FAM204A: variants seen among roughly 807,000 people sequenced by gnomAD.
FAM204A encodes protein FAM204A.
FAM204A carries 16 observed loss-of-function variants against 35.4 expected under a neutral mutation model. The observed-to-expected ratio is 0.45, with a 90% confidence interval of 0.31 to 0.69. The LOEUF is 0.69. Among genes scored for constraint, FAM204A ranks in the 30% least tolerant of loss-of-function variants. The pLI, the probability that FAM204A is intolerant of heterozygous loss-of-function variation, is 0.07. For missense variants in FAM204A, 240 were observed against 265.7 expected (o/e 0.90, Z 0.67); for synonymous variants, 76 against 86.9 (o/e 0.88, Z 0.70).
At chr10:118,338,518 T>A (rs1846422694) in intron 2 of FAM204A, among the ~76,000 whole-genome samples, 1 of 152,212 alleles carries the variant, frequency 6.6e-6, no homozygotes, top group African/African-American at 2.4e-5. Context: ...GAAATAACTC[T>A]TTCCCTTCCT....
intron 3 of FAM204A, 126 bp downstream of exon 3, chr10:118,336,056 C>T: frequency 9.2e-7 from 1 of 1,092,370 alleles, no homozygotes; most frequent in South Asian, 1.7e-5. Flanking sequence ...ACAGTAAAAG[C>T]ATTCTGAGTC....
chr10:118,332,046 C>T (rs1846297340), intron 6 of FAM204A, among the ~76,000 whole-genome samples: 1 of 150,904 alleles, frequency 6.6e-6, no homozygotes. Context: ...TGATGGCGCA[C>T]ACCTCTAGTC....
At chr10:118,325,399 C>T (rs189598479) in intron 7 of FAM204A, among the ~76,000 whole-genome samples, 18 of 151,232 alleles carry the variant, frequency 1.2e-4, no homozygotes, top group Admixed American at 5.9e-4. Context: ...CTCTACGTAA[C>T]GAAACACTAT....
At chr10:118,322,624 TATAAAGGGA>T (rs557828734) in intron 7 of FAM204A, among the ~76,000 whole-genome samples, 5 of 152,084 alleles carry the variant, frequency 3.3e-5, no homozygotes, top group Admixed American at 6.6e-5. Context: ...TTTCTTTTGC[TATAAAGGGA>T]ATTAGTGGGA....
At chr10:118,311,023 T>C in intron 8 of FAM204A, 115 bp from the exon 9 acceptor site, 1 of 1,094,042 alleles carries the variant, frequency 9.1e-7, no homozygotes, top group South Asian at 1.4e-5. Flanking sequence ...CATACTCCAA[T>C]GATTACAAAA....
chr10:118,311,456 G>C (rs1589718461), intron 7 of FAM204A, 143 bp from the exon 8 acceptor site: 1 of 662,104 alleles, frequency 1.5e-6, no homozygotes, highest in Non-Finnish European at 2.6e-6. Flanking sequence ...CCTTCTCAAA[G>C]TATAATGAAT....
intron 2 of FAM204A, chr10:118,337,192 T>A (rs1475900392): frequency 2.1e-6 from 2 of 967,256 alleles, no homozygotes; most frequent in South Asian, 4.8e-5. Context: ...AGAATTGTTA[T>A]CATTTGCTAA....
rs1187039158 is a variant in FAM204A, at chr10:118,310,456, G to C, written c.*401C>G. The C allele has an allele frequency of 5.8e-6, 1 of 171,524 alleles. No homozygotes were observed. The highest frequency in any genetic ancestry group is 1.8e-4 in the East Asian group (1 of 5,476). The allele number at this position is 171,524 out of a possible 1,614,324, so 10.6% of individuals were successfully genotyped here. Reference sequence around the variant, plus strand: ...GCCAAGATCGTGCTACTGCACTCTAGCCTGGGTGACAGAGCAAGCGAGGCT... The same window carrying C: ...GCCAAGATCGTGCTACTGCACTCTACCCTGGGTGACAGAGCAAGCGAGGCT... On this transcript the variant is annotated 3_prime_UTR_variant, in exon 9 of 9. Coordinates refer to ENST00000369183, the MANE Select transcript of FAM204A (RefSeq NM_022063.3).
chr10:118,321,724 CAAAAAAAAA>C lies in FAM204A; in HGVS notation c.543+4421_543+4429del, dbSNP rs200200755. Among the ~76,000 whole-genome samples, 146 of 87,290 alleles carry C rather than the reference CAAAAAAAAA, an allele frequency of 1.7e-3. 4 individuals are homozygous for C. In the East Asian group the frequency reaches 0.051, roughly 31 times the overall value. The allele number at this position is 87,290 out of a possible 152,430, so 57.3% of individuals were successfully genotyped here. ...TTTCTAAAACTGCAGTATGACAAAG[CAAAAAAAAA>C]AAAAAAAAAAAGAATCCTAATATCC... On this transcript the variant is annotated intron_variant, in intron 7 of 8. Transcript: ENST00000369183.
intron 6 of FAM204A, among the ~76,000 whole-genome samples, chr10:118,332,361 C>T (rs1846305415): frequency 1.3e-5 from 2 of 151,876 alleles, no homozygotes; most frequent in South Asian, 4.2e-4. Flanking sequence ...GACCTATCAA[C>T]CTACCCCACG....
At chr10:118,340,620 T>C (rs1846462048) in intron 2 of FAM204A, among the ~76,000 whole-genome samples, 1 of 152,194 alleles carries the variant, frequency 6.6e-6, no homozygotes, top group Admixed American at 6.5e-5. Flanking sequence ...GCCAAGAGGA[T>C]GTTTTCAGAG....
At position 118,300,051 on chromosome 10, in the gene FAM204A, G is replaced by A. The variant is rs1288574389; in HGVS notation, c.*10806C>T. The A allele has an allele frequency of 6.6e-6, 1 of 152,218 alleles. No homozygotes were observed. The highest frequency in any genetic ancestry group is 1.5e-5 in the Non-Finnish European group (1 of 68,068). The allele number at this position is 152,218 out of a possible 1,614,324, so 9.4% of individuals were successfully genotyped here. A position where few individuals can be genotyped will look rare whatever the true frequency, so the allele number is the denominator to read the frequency against. On this transcript the variant is annotated 3_prime_UTR_variant, in exon 9 of 9. Transcript: ENST00000369183. The stretch of plus-strand genomic sequence containing the variant: ...CCGTCCATGACAGCTTGCTGATTTG[G>A]GGGAGATGAGTGGGATGTGATTTCT...
intron 7 of FAM204A, among the ~76,000 whole-genome samples, chr10:118,317,842 C>A (rs905645587): frequency 6.6e-6 from 1 of 151,912 alleles, no homozygotes; most frequent in Non-Finnish European, 1.5e-5. Context: ...AGATAATGTG[C>A]GGAATACAAA....
chr10:118,318,361 T>C (rs1846062103), intron 7 of FAM204A, among the ~76,000 whole-genome samples: 1 of 152,028 alleles, frequency 6.6e-6, no homozygotes, highest in Admixed American at 6.6e-5. Flanking sequence ...TACATTATAT[T>C]CGTCATACAC....
intron 8 of FAM204A, 102 bp from the exon 9 acceptor site, chr10:118,311,010 T>A: frequency 8.6e-7 from 1 of 1,163,856 alleles, no homozygotes; most frequent in Non-Finnish European, 1.2e-6. Context: ...CAAAAATTTT[T>A]CACATACTCC....
rs1340656168 is a variant in FAM204A, at chr10:118,298,864, A to G, written c.*11993T>C. ...GTTTTCATTGTTAGGTTGCACCGTTAATTCTCTGTTGCATTACCTATCCTG... is the reference window on the plus strand; with the variant it reads ...GTTTTCATTGTTAGGTTGCACCGTTGATTCTCTGTTGCATTACCTATCCTG... On this transcript the variant is annotated 3_prime_UTR_variant, in exon 9 of 9. Coordinates refer to ENST00000369183, the MANE Select transcript of FAM204A (RefSeq NM_022063.3). The G allele has an allele frequency of 6.6e-6, 1 of 152,166 alleles. No individual in the cohort carries two copies. The highest frequency in any genetic ancestry group is 1.5e-5 in the Non-Finnish European group (1 of 68,042). The allele number at this position is 152,166 out of a possible 1,614,324, so 9.4% of individuals were successfully genotyped here. A position where few individuals can be genotyped will look rare whatever the true frequency, so the allele number is the denominator to read the frequency against.
chr10:118,329,656 A>G (rs1846258258), intron 6 of FAM204A, among the ~76,000 whole-genome samples: 1 of 152,038 alleles, frequency 6.6e-6, no homozygotes, highest in Non-Finnish European at 1.5e-5. Context: ...TGTCTGACAC[A>G]CTACAGTGAG....
intron 7 of FAM204A, among the ~76,000 whole-genome samples, chr10:118,313,392 C>T (rs905109098): frequency 1.3e-5 from 2 of 152,102 alleles, no homozygotes; most frequent in South Asian, 2.1e-4. Flanking sequence ...TGCTTTAGTT[C>T]GGCAGTGACA....
chr10:118,308,488 T>C lies in FAM204A; in HGVS notation c.*2369A>G, dbSNP rs965455374. The stretch of plus-strand genomic sequence containing the variant: ...AAAATAAAACTGCTCTCAAATGACA[T>C]GTCAGCAGGGCCAATCCAAGACAAC... On this transcript the variant is annotated 3_prime_UTR_variant, in exon 9 of 9. Coordinates refer to ENST00000369183, the MANE Select transcript of FAM204A (RefSeq NM_022063.3). The C allele has an allele frequency of 6.6e-6, 1 of 152,196 alleles. No homozygotes were observed. Among genetic ancestry groups the C allele is most frequent in the Non-Finnish European group, 1.5e-5 (1 of 68,046 alleles). 9.4% of individuals were successfully genotyped at this position (152,196 alleles called of 1,614,324 possible).
Sources: allele counts gnomAD v4.1 joint callset (sites outside exome capture counted in the v4.1 genomes callset), GRCh38; gene constraint gnomAD v4.1.1; transcripts MANE v1.5; gene names NCBI Gene and HGNC (gene_info 2026-07-23, HGNC 2026-07-21).